Variants in GSE1 observed in about 807,000 individuals in gnomAD.
The protein encoded by GSE1 is genetic suppressor element 1.
GSE1 carries 32 observed loss-of-function variants against 112.6 expected under a neutral mutation model. The observed-to-expected ratio is 0.28, with a 90% CI of 0.21 to 0.38. The LOEUF is 0.38. Among genes scored for constraint, GSE1 ranks in the 10% least tolerant of loss-of-function variants. The pLI is 1.00. For missense variants in GSE1, 2,348 were observed against 1,699.2 expected, an observed-to-expected ratio of 1.38 and a Z score of -6.71; for synonymous variants, 1,115 against 735.6, an observed-to-expected ratio of 1.52 and a Z score of -8.35.
At chr16:85,386,458 T>G (rs4783192) in intron 2 of GSE1, among the ~76,000 whole-genome samples, 80,535 of 152,060 alleles carry the variant, frequency 0.53, 23,720 homozygotes, top group Middle Eastern at 0.73. Context: ...GATGATAGGG[T>G]GAGCTGTCGC....
intron 1 of GSE1, among the ~76,000 whole-genome samples, chr16:85,560,528 G>C (rs1237024806): frequency 6.6e-6 from 1 of 152,150 alleles, no homozygotes; most frequent in Non-Finnish European, 1.5e-5. Flanking sequence ...ACTGGCCAGG[G>C]GGAAATGGTA....
At chr16:85,393,937 G>A (rs553659953) in intron 2 of GSE1, among the ~76,000 whole-genome samples, 2 of 152,248 alleles carry the variant, frequency 1.3e-5, no homozygotes, top group South Asian at 2.1e-4. Flanking sequence ...CCACTGGGGC[G>A]GGGCTGGGCT....
chr16:85,415,635 T>G (rs1364475426), intron 2 of GSE1, among the ~76,000 whole-genome samples: 1 of 152,224 alleles, frequency 6.6e-6, no homozygotes, highest in Admixed American at 6.5e-5. Context: ...CGGGATCTGC[T>G]CTGTTTGGAA....
At chr16:85,395,532 T>C (rs1597591529) in intron 2 of GSE1, among the ~76,000 whole-genome samples, 1 of 152,154 alleles carries the variant, frequency 6.6e-6, no homozygotes, top group Admixed American at 6.5e-5. Context: ...GTTCGCTGCC[T>C]GGAAACACCC....
chr16:85,585,835 T>G (rs1332694989), intron 1 of GSE1, among the ~76,000 whole-genome samples: 2 of 152,236 alleles, frequency 1.3e-5, no homozygotes, highest in South Asian at 4.1e-4. Flanking sequence ...AGGGTGCGAC[T>G]TGGGACCTGT....
At chr16:85,203,607 G>T in intron 1 of GSE1, among the ~76,000 whole-genome samples, 1 of 152,196 alleles carries the variant, frequency 6.6e-6, no homozygotes, top group Non-Finnish European at 1.5e-5. Context: ...CTACAGATAG[G>T]CAGCCAAGGC....
At chr16:85,565,859 G>A (rs2045725196) in intron 1 of GSE1, among the ~76,000 whole-genome samples, 1 of 152,186 alleles carries the variant, frequency 6.6e-6, no homozygotes. Flanking sequence ...TCCCGATGGC[G>A]AGGGTTCCCC....
At chr16:85,369,523 C>T (rs2047251251) in intron 2 of GSE1, among the ~76,000 whole-genome samples, 1 of 152,096 alleles carries the variant, frequency 6.6e-6, no homozygotes, top group South Asian at 2.1e-4. Flanking sequence ...CCCCCACTTG[C>T]TCCTGTTCTC....
At chr16:85,434,345 A>AATCATCATCATCATC (rs1555511267) in intron 2 of GSE1, among the ~76,000 whole-genome samples, 19 of 143,460 alleles carry the variant, frequency 1.3e-4, no homozygotes, top group Admixed American at 2.1e-4. Flanking sequence ...TAATAATAAT[A>AATCATCATCATCATC]ATCAGTGCCG....
chr16:85,437,450 C>A (rs2049275689), intron 2 of GSE1, among the ~76,000 whole-genome samples: 1 of 152,122 alleles, frequency 6.6e-6, no homozygotes, highest in African/African-American at 2.4e-5. Context: ...CGTATGGTGC[C>A]TGGGAGGAGA....
intron 2 of GSE1, among the ~76,000 whole-genome samples, chr16:85,637,014 A>G (rs774918697): frequency 2.0e-4 from 31 of 152,184 alleles, no homozygotes; most frequent in Non-Finnish European, 3.8e-4. Context: ...AGGGGTTTGC[A>G]TTTCTTATTT....
intron 2 of GSE1, among the ~76,000 whole-genome samples, chr16:85,446,194 C>G (rs763747829): frequency 2.4e-4 from 36 of 152,174 alleles, no homozygotes; most frequent in Non-Finnish European, 4.4e-4. Context: ...GGGGCCTGTT[C>G]CCCGGAGGAC....
rs776399425 is a variant in GSE1, at chr16:85,665,983, C to T, written c.2766C>T (p.Ala922=). 2 of 1,612,956 alleles carry T rather than the reference C, an allele frequency of 1.2e-6. No homozygotes were observed. Among genetic ancestry groups the T allele is most frequent in the South Asian group, 2.2e-5 (2 of 91,078 alleles). The change falls in exon 13 of 16, where the codon GCC becomes GCT. Residue 922 remains alanine (A), a synonymous_variant. Transcript: ENST00000253458. ...DSPAVSLSEP[A]TQQASLDVEK... ...TCACTTTGTCTCTAAAAGAACCAGCCACGCAGCAAGCCTCTCTGGATGTGG... is the reference window on the plus strand; with the variant it reads ...TCACTTTGTCTCTAAAAGAACCAGCTACGCAGCAAGCCTCTCTGGATGTGG...
chr16:85,400,269 GTGTGTGTGTGTGTAAT>G (rs890140021), intron 2 of GSE1, among the ~76,000 whole-genome samples: 11 of 151,490 alleles, frequency 7.3e-5, no homozygotes, highest in Admixed American at 6.0e-4. Context: ...GTGTGTGTGT[GTGTGTGTGTGTGTAAT>G]TGTGTGTGTG....
chr16:85,199,495 A>G (rs1033269510), intron 1 of GSE1, among the ~76,000 whole-genome samples: 2 of 152,208 alleles, frequency 1.3e-5, no homozygotes, highest in Non-Finnish European at 2.9e-5. Context: ...CTCTCCAAGA[A>G]TACAAACCAG....
Position 85,663,592 on chromosome 16 carries a change from C to T in GSE1, c.2622C>T (p.His874=), listed in dbSNP as rs1408555332. The change falls in exon 11 of 16, where the codon CAC becomes CAT. Residue 874 remains histidine (H), a synonymous_variant. Transcript: ENST00000253458. The part of the protein sequence containing the change: ...KKFLTIFNLT[H]ISAEKRKDKE... ...TCCTGACCATCTTCAACCTGACCCA[C>T]ATCAGCGCTGAGAAGAGGAAAGGTA... 14 of 1,613,844 alleles carry T rather than the reference C, an allele frequency of 8.7e-6. No individual in the cohort carries two copies. The highest frequency in any genetic ancestry group is 1.2e-5 in the Non-Finnish European group (14 of 1,179,952).
intron 1 of GSE1, among the ~76,000 whole-genome samples, chr16:85,340,841 G>A (rs1403045716): frequency 6.6e-6 from 1 of 152,136 alleles, no homozygotes; most frequent in Non-Finnish European, 1.5e-5. Context: ...GCGAGGGTGG[G>A]CTGGAGCCCT....
At chr16:85,641,345 A>G (rs1368225224) in intron 2 of GSE1, among the ~76,000 whole-genome samples, 8 of 151,066 alleles carry the variant, frequency 5.3e-5, no homozygotes, top group Non-Finnish European at 1.0e-4. Flanking sequence ...AGAAACCCGC[A>G]CCTCCCGCTG....
chr16:85,188,589 G>C (rs4783143), intron 1 of GSE1, among the ~76,000 whole-genome samples: 2 of 151,786 alleles, frequency 1.3e-5, no homozygotes, highest in Non-Finnish European at 2.9e-5. Flanking sequence ...ATCACTTGAG[G>C]CCGGGAGTTA....
Sources: gnomAD v4.1 joint callset for allele counts (sites outside exome capture counted in the v4.1 genomes callset) on GRCh38, gnomAD v4.1.1 for gene constraint, MANE v1.5 for transcripts, NCBI Gene and HGNC (gene_info 2026-07-23, HGNC 2026-07-21) for gene names.